ICE1: variants seen among roughly 807,000 people sequenced by gnomAD.
ICE1 encodes interactor of little elongation complex ELL subunit 1, also known as little elongation complex subunit 1.
Under a neutral mutation model 192.7 loss-of-function variants are expected in ICE1, and 64 were observed. That is an observed-to-expected ratio of 0.33 (90% CI 0.27 to 0.41). The LOEUF is 0.41. Among genes scored for constraint, ICE1 ranks in the 10% least tolerant of loss-of-function variants. The pLI is 1.00. For synonymous variants in ICE1, 1,010 were observed against 984.5 expected (o/e 1.03, Z -0.49); for missense variants, 2,708 against 2,696.0 (o/e 1.00, Z -0.10).
intron 17 of ICE1, among the ~76,000 whole-genome samples, chr5:5,482,810 A>ACACACACT (rs1214221538): frequency 6.9e-6 from 1 of 145,624 alleles, no homozygotes; most frequent in Non-Finnish European, 1.5e-5. Context: ...ACACACACAC[A>ACACACACT]CTCATCTGGA....
At chr5:5,426,571 A>G (rs189890927) in intron 1 of ICE1, among the ~76,000 whole-genome samples, 166 of 152,242 alleles carry the variant, frequency 1.1e-3, no homozygotes, top group African/African-American at 3.9e-3. Flanking sequence ...ATTACATGCT[A>G]TCATTAGAGT....
At chr5:5,471,670 C>T (rs573663121) in intron 15 of ICE1, among the ~76,000 whole-genome samples, 13 of 151,974 alleles carry the variant, frequency 8.6e-5, no homozygotes, top group South Asian at 4.2e-4. Context: ...GAAGAAACCC[C>T]CATGGGATTA....
chr5:5,461,184 A>G lies in ICE1; in HGVS notation c.1850A>G (p.Asp617Gly). 2.5e-6 allele frequency: 4 copies of G among 1,614,012 alleles called. No homozygotes were observed. Among genetic ancestry groups the G allele is most frequent in the Non-Finnish European group, 3.4e-6 (4 of 1,179,884 alleles). ...SPESEDDDSG[D>G]GMDVAGLDIE... ...GAATCAGAAGATGATGACTCAGGTG[A>G]TGGAATGGATGTAGCAGGGCTTGAC... Residue 617 changes from aspartate to glycine, a missense_variant, in exon 13 of 19, where the codon GAT becomes GGT. By Grantham distance (94) the Asp-to-Gly change is moderately conservative (BLOSUM62 -1). Around this residue, in one of 2 missense-constraint regions of ICE1, gnomAD observed 2,366 missense variants for 2,276.6 expected, o/e 1.04. Transcript: ENST00000296564.
At chr5:5,447,816 A>G in intron 9 of ICE1, 25 bp from the exon 10 acceptor site, 2 of 1,572,604 alleles carry the variant, frequency 1.3e-6, no homozygotes, top group Non-Finnish European at 1.7e-6. Flanking sequence ...GTATTTTATT[A>G]ACCGTTTTTT....
At chr5:5,424,401 G>C (rs1737456121) in intron 1 of ICE1, among the ~76,000 whole-genome samples, 1 of 149,210 alleles carries the variant, frequency 6.7e-6, no homozygotes, top group African/African-American at 2.5e-5. Flanking sequence ...CACCACCCCA[G>C]GAACGTGATT....
intron 1 of ICE1, among the ~76,000 whole-genome samples, chr5:5,432,598 G>C (rs570219486): frequency 1.3e-5 from 2 of 152,170 alleles, no homozygotes; most frequent in Non-Finnish European, 2.9e-5. Context: ...AAACTAGTTT[G>C]CTCAGCAGCT....
chr5:5,488,967 C>T (rs1019150632), intron 18 of ICE1, among the ~76,000 whole-genome samples, 182 bp from the exon 19 acceptor site: 27 of 152,110 alleles, frequency 1.8e-4, no homozygotes, highest in Non-Finnish European at 4.4e-5. Context: ...TCTGGCTTTT[C>T]TTCTTTTTTA....
In ICE1 at chr5:5,482,775, AACACACAC is replaced by A. The variant is rs70965943; in HGVS notation, c.6521-3917_6521-3910del. ...GGTGACATTAACACCCCCACCCCCC[AACACACAC>A]ACACACACACACACACACACACACA... is the stretch of plus-strand genomic sequence containing the variant. On this transcript the variant is annotated intron_variant, in intron 17 of 18. Coordinates refer to ENST00000296564, the MANE Select transcript of ICE1 (RefSeq NM_015325.3). Among the ~76,000 whole-genome samples the A allele has an allele frequency of 4.3e-3, 584 of 136,074 alleles. 3 individuals are homozygous for A. Among genetic ancestry groups the A allele is most frequent in the African/African-American group, 0.013 (487 of 36,730 alleles). The allele number at this position is 136,074 out of a possible 152,430, so 89.3% of individuals were successfully genotyped here. A position where few individuals can be genotyped will look rare whatever the true frequency, so the allele number is the denominator to read the frequency against.
At chr5:5,437,190 G>C (rs965019488) in intron 3 of ICE1, 76 bp downstream of exon 3, 2 of 1,127,226 alleles carry the variant, frequency 1.8e-6, no homozygotes, top group Non-Finnish European at 2.6e-6. Context: ...TGTGAGAATT[G>C]TTCCTCATAG....
In ICE1 at chr5:5,463,458, A is replaced by G. The variant is rs1181590603; in HGVS notation, c.4124A>G (p.Asp1375Gly). The G allele has an allele frequency of 1.2e-6, 2 of 1,612,596 alleles. No homozygotes were observed. Among genetic ancestry groups the G allele is most frequent in the African/African-American group, 2.7e-5 (2 of 74,854 alleles). The change falls in exon 13 of 19, where the codon GAC becomes GGC. Residue 1375 changes from aspartate to glycine, a missense_variant. Physicochemically the swap from Asp to Gly is moderately conservative, Grantham distance 94 (BLOSUM62 -1). Coordinates refer to ENST00000296564, the MANE Select transcript of ICE1 (RefSeq NM_015325.3). ...EPVEPSALCS[D>G]SVMEPSIEQS... is the part of the protein sequence containing the mutation. ...GTGGAGCCATCAGCCTTGTGCTCTG[A>G]CTCTGTGATGGAGCCATCCATAGAG...
At chr5:5,468,736 C>T (rs1295004330) in intron 14 of ICE1, 92 bp from the exon 15 acceptor site, 1 of 743,208 alleles carries the variant, frequency 1.3e-6, no homozygotes, top group Non-Finnish European at 2.0e-6. Flanking sequence ...GCCTGCAAGG[C>T]ACCAGTGAAA....
At position 5,464,069 on chromosome 5, in the gene ICE1, C is replaced by T; in HGVS notation, c.4735C>T (p.His1579Tyr). 1 of 1,613,640 alleles carries T rather than the reference C, an allele frequency of 6.2e-7. No individual in the cohort carries two copies. The highest frequency in any genetic ancestry group is 8.5e-7 in the Non-Finnish European group (1 of 1,179,888). The change falls in exon 13 of 19, where the codon CAT (histidine) becomes TAT (tyrosine). Residue 1579 changes from histidine to tyrosine, a missense_variant. This residue lies in a region of ICE1 where 2,366 missense variants were observed against 2,276.6 expected (regional missense o/e 1.04). Transcript: ENST00000296564. The surrounding 1 kb of genome is among the most constrained non-coding windows in gnomAD (Gnocchi z 4.0). ...TTCAGCGTCGAGCAGAGTTGAAACT[C>T]ATCAGAGTGAAGTTGCTCAGTCATT... The part of the protein sequence containing the change: ...KTSASSRVET[H>Y]QSEVAQSFSG...
intron 1 of ICE1, among the ~76,000 whole-genome samples, chr5:5,435,750 A>G (rs575405066): frequency 5.5e-5 from 8 of 145,932 alleles, no homozygotes; most frequent in South Asian, 2.2e-4. Context: ...GCTCACTGCA[A>G]CCTCCGCCTC....
intron 1 of ICE1, among the ~76,000 whole-genome samples, chr5:5,435,657 G>GTTTTTTTTTTTGTTTGTTTGTTTT (rs1737846534): frequency 2.6e-5 from 3 of 114,296 alleles, no homozygotes; most frequent in Non-Finnish European, 3.7e-5. Flanking sequence ...CCAAATTTGT[G>GTTTTTTTTTTTGTTTGTTTGTTTT]TTTTTTTTTT....
intron 17 of ICE1, among the ~76,000 whole-genome samples, chr5:5,479,977 C>A (rs1739446996): frequency 6.6e-6 from 1 of 152,100 alleles, no homozygotes; most frequent in African/African-American, 2.4e-5. Flanking sequence ...AGGACAAATA[C>A]CTGTGGGACT....
In ICE1 at chr5:5,461,093, AG is replaced by A; in HGVS notation, c.1760del (p.Arg587AsnfsTer18). 6.2e-7 allele frequency: 1 copy of A among 1,614,080 alleles called. No individual in the cohort carries two copies. The highest frequency in any genetic ancestry group is 2.2e-5 in the East Asian group (1 of 44,882). On this transcript the variant is annotated frameshift_variant, in exon 13 of 19. Transcript: ENST00000296564. LOFTEE classifies it high-confidence loss of function. ...TATCACAGTTTCTGGCCATTTTCAC[AG>A]ACTATCTAGAGAATTGGAAAAGGAA... ...DRITVSGHFH[R>X]LSRELEKEKE... is the part of the protein sequence containing the mutation.
intron 1 of ICE1, among the ~76,000 whole-genome samples, chr5:5,436,179 A>G (rs1737868128): frequency 6.6e-6 from 1 of 152,218 alleles, no homozygotes; most frequent in Non-Finnish European, 1.5e-5. Flanking sequence ...AATTGCACAC[A>G]GTAAAAGCAT....
intron 18 of ICE1, among the ~76,000 whole-genome samples, chr5:5,488,829 C>T (rs915771374): frequency 1.3e-5 from 2 of 152,104 alleles, no homozygotes; most frequent in African/African-American, 4.8e-5. Context: ...TGTGATCCTT[C>T]CAGAACTGTT....
intron 10 of ICE1, among the ~76,000 whole-genome samples, chr5:5,449,735 A>G (rs1485450918): frequency 1.3e-5 from 2 of 152,200 alleles, no homozygotes; most frequent in African/African-American, 4.8e-5. Context: ...TTCTGGTTTC[A>G]AAAACTGTTT....
Sources: allele counts gnomAD v4.1 joint callset (sites outside exome capture counted in the v4.1 genomes callset), GRCh38; gene constraint gnomAD v4.1.1; regional missense constraint gnomAD v4.1.1; non-coding constraint Gnocchi (gnomAD v3.1); transcripts MANE v1.5; gene names NCBI Gene and HGNC (gene_info 2026-07-23, HGNC 2026-07-21).